Variants in RUBCN observed in about 807,000 individuals in gnomAD.
RUBCN encodes rubicon autophagy regulator, also known as run domain Beclin-1-interacting and cysteine-rich domain-containing protein.
Under a neutral mutation model 113.2 loss-of-function variants are expected in RUBCN, and 74 were observed. That is an observed-to-expected ratio of 0.65 (90% CI 0.54 to 0.79). The LOEUF is 0.79. Ranked by LOEUF, RUBCN falls within the 30% of genes least tolerant of loss-of-function variation. RUBCN has a pLI of 0.00. For synonymous variants in RUBCN, 480 were observed against 490.0 expected (o/e 0.98, Z 0.27); for missense variants, 1,109 against 1,251.7 (o/e 0.89, Z 1.72).
At chr3:197,696,450 C>T (rs540928896) in intron 8 of RUBCN, among the ~76,000 whole-genome samples, 11 of 151,924 alleles carry the variant, frequency 7.2e-5, no homozygotes, top group South Asian at 4.2e-4. Context: ...GGTTGGAAAA[C>T]GGTAGAATAA....
Position 197,704,709 on chromosome 3 carries a change from G to A in RUBCN, c.304-8C>T, listed in dbSNP as rs1724089640. Reference sequence around the variant, plus strand: ...CTCGTGCACGCTGATGAACTGGGAAGCAAAGGGGCATGAGTCAAAACACAC... The same window carrying A: ...CTCGTGCACGCTGATGAACTGGGAAACAAAGGGGCATGAGTCAAAACACAC... On this transcript the variant is annotated splice_polypyrimidine_tract_variant and splice_region_variant and intron_variant, in intron 3 of 19. Coordinates refer to ENST00000296343, the MANE Select transcript of RUBCN (RefSeq NM_014687.4). 1.2e-6 allele frequency: 2 copies of A among 1,613,208 alleles called. No homozygotes were observed. Among genetic ancestry groups the A allele is most frequent in the Non-Finnish European group, 1.7e-6 (2 of 1,179,908 alleles).
intron 1 of RUBCN, among the ~76,000 whole-genome samples, chr3:197,725,936 A>G (rs1023710918): frequency 1.3e-5 from 2 of 152,058 alleles, no homozygotes; most frequent in Non-Finnish European, 2.9e-5. Flanking sequence ...CTCATCACAC[A>G]CTATTACAAA....
At position 197,716,426 on chromosome 3, in the gene RUBCN, C is replaced by T. The variant is rs1183419171; in HGVS notation, c.219+1551G>A. ...AGGCGTGAGCCACTGTGCCTGGCCA[C>T]CTTCTCATTCTGTAGAAACATTTCA... On this transcript the variant is annotated intron_variant, in intron 2 of 19. Transcript: ENST00000296343. 3.3e-5 allele frequency among the ~76,000 whole-genome samples: 5 copies of T among 152,140 alleles called. No homozygotes were observed. In the East Asian group the frequency reaches 9.6e-4, roughly 29 times the overall value.
intron 2 of RUBCN, among the ~76,000 whole-genome samples, chr3:197,716,249 A>G (rs1173616624): frequency 1.3e-5 from 2 of 152,152 alleles, no homozygotes; most frequent in Admixed American, 6.5e-5. Context: ...TGCCTCAGCC[A>G]CCTGAGTAGC....
chr3:197,701,895 T>G, intron 5 of RUBCN, 31 bp from the exon 6 acceptor site: 1 of 1,610,848 alleles, frequency 6.2e-7, no homozygotes, highest in Non-Finnish European at 8.5e-7. Context: ...AAAAAATGTG[T>G]CAGAGTTAAG....
At chr3:197,691,462 G>A (rs1722415827) in intron 11 of RUBCN, among the ~76,000 whole-genome samples, 1 of 152,018 alleles carries the variant, frequency 6.6e-6, no homozygotes. Flanking sequence ...AGTAGGTAGA[G>A]GCTAGGAATG....
At chr3:197,706,016 G>A (rs1724262813) in intron 2 of RUBCN, among the ~76,000 whole-genome samples, 2 of 152,148 alleles carry the variant, frequency 1.3e-5, no homozygotes, top group East Asian at 1.9e-4. Context: ...ATGAGCCACC[G>A]TACCCGGCTG....
At chr3:197,697,835 G>A (rs1723184011) in intron 7 of RUBCN, among the ~76,000 whole-genome samples, 1 of 152,230 alleles carries the variant, frequency 6.6e-6, no homozygotes, top group Admixed American at 6.5e-5. Context: ...GTGAATGACT[G>A]AGCTGCATCT....
At position 197,695,923 on chromosome 3, in the gene RUBCN, C is replaced by T. The variant is rs1377383944; in HGVS notation, c.1416G>A (p.Gln472=). 2.5e-6 allele frequency: 4 copies of T among 1,614,094 alleles called. No homozygotes were observed. The highest frequency in any genetic ancestry group is 3.4e-6 in the Non-Finnish European group (4 of 1,180,038). Residue 472 remains glutamine (Q), a synonymous_variant, in exon 9 of 20, where the codon CAG becomes CAA. Coordinates refer to ENST00000296343, the MANE Select transcript of RUBCN (RefSeq NM_014687.4). ...EGMFRRPSEG[Q]SLISYLSEQD... ...GCTCAGAGAGGTAGCTGATGAGGGA[C>T]TGTCCTTCTGATGGTCTTCGGAACA...
rs1196016664 is a variant in RUBCN at position 197,674,785 on chromosome 3, G to A, written c.*233C>T. 3 of 532,784 alleles carry A rather than the reference G, an allele frequency of 5.6e-6. No individual in the cohort carries two copies. The highest frequency in any genetic ancestry group is 9.9e-6 in the Non-Finnish European group (3 of 304,366). 33.0% of individuals were successfully genotyped at this position (532,784 alleles called of 1,614,324 possible). Reference sequence around the variant, plus strand: ...GAAGGACCCGCATGTCAGTTCTGATGGAAACACCTGGTGTTTACAAATTAT... The same window carrying A: ...GAAGGACCCGCATGTCAGTTCTGATAGAAACACCTGGTGTTTACAAATTAT... On this transcript the variant is annotated 3_prime_UTR_variant, in exon 20 of 20. Transcript: ENST00000296343.
At chr3:197,724,215 G>C (rs1726482146) in intron 1 of RUBCN, among the ~76,000 whole-genome samples, 1 of 152,118 alleles carries the variant, frequency 6.6e-6, no homozygotes. Context: ...GGGAAAACCA[G>C]TTTTCCTAGA....
At chr3:197,696,191 G>A (rs1722980773) in intron 8 of RUBCN, among the ~76,000 whole-genome samples, 1 of 152,024 alleles carries the variant, frequency 6.6e-6, no homozygotes, top group Non-Finnish European at 1.5e-5. Context: ...GGCCAACATG[G>A]TGAAACCCCA....
At chr3:197,690,165 C>T (rs577652240) in intron 11 of RUBCN, among the ~76,000 whole-genome samples, 50 of 152,328 alleles carry the variant, frequency 3.3e-4, no homozygotes, top group African/African-American at 1.1e-3. Context: ...CTGGGCCTGG[C>T]GTGGTGGCTC....
chr3:197,676,102 GAATACATAAAGTATACA>G (rs1218983843), intron 18 of RUBCN: 2 of 711,160 alleles, frequency 2.8e-6, no homozygotes, highest in Non-Finnish European at 3.5e-6. Flanking sequence ...TGCGTTTGAG[GAATACATAAAGTATACA>G]AAACGCTGTC....
chr3:197,691,157 T>C, intron 11 of RUBCN: 1 of 1,256,866 alleles, frequency 8.0e-7, no homozygotes. Flanking sequence ...ATCTGTGTAA[T>C]AATGATGATA....
At position 197,674,876 on chromosome 3, in the gene RUBCN, TCA is replaced by T; in HGVS notation, c.*140_*141del. On this transcript the variant is annotated 3_prime_UTR_variant, in exon 20 of 20. Transcript: ENST00000296343. ...TGACTGCACACAGACGTCAGACAAG[TCA>T]GTAAAAAAAAAAAAAAAGATGATGA... 3.3e-6 allele frequency: 2 copies of T among 615,214 alleles called. No individual in the cohort carries two copies. Among genetic ancestry groups the T allele is most frequent in the Admixed American group, 4.6e-5 (1 of 21,596 alleles). 38.1% of individuals were successfully genotyped at this position (615,214 alleles called of 1,614,324 possible).
chr3:197,714,440 C>T (rs1725294230), intron 2 of RUBCN, among the ~76,000 whole-genome samples: 1 of 152,150 alleles, frequency 6.6e-6, no homozygotes, highest in African/African-American at 2.4e-5. Context: ...CCCAGCTCAG[C>T]CTCCGGAGTA....
intron 1 of RUBCN, 88 bp downstream of exon 1, chr3:197,736,567 C>A: frequency 7.4e-7 from 1 of 1,342,900 alleles, no homozygotes; most frequent in South Asian, 1.2e-5. Flanking sequence ...CGCGCCCGGC[C>A]CTTCTCTCCG....
chr3:197,677,585 GAA>G, intron 16 of RUBCN, 44 bp from the exon 17 acceptor site: 1 of 1,581,182 alleles, frequency 6.3e-7, no homozygotes, highest in Non-Finnish European at 8.7e-7. Context: ...GGAGATGTGA[GAA>G]GAGGAATCCA....
Sources: allele counts gnomAD v4.1 joint callset (sites outside exome capture counted in the v4.1 genomes callset), GRCh38; gene constraint gnomAD v4.1.1; transcripts MANE v1.5; gene names NCBI Gene and HGNC (gene_info 2026-07-23, HGNC 2026-07-21).